PRKD3: variants seen among roughly 807,000 people sequenced by gnomAD.
The protein encoded by PRKD3 is serine/threonine-protein kinase D3.
In PRKD3, 47 loss-of-function variants were observed where a neutral mutation model predicts 99.2. That is an observed-to-expected ratio of 0.47 (90% CI 0.38 to 0.60). The LOEUF (loss-of-function observed/expected upper bound fraction) is 0.60, where lower values mean the gene tolerates loss of function less well. PRKD3 is among the 20% of genes least tolerant of loss of function. PRKD3 has a pLI of 0.00. For missense variants in PRKD3, 1,019 were observed against 1,088.4 expected (o/e 0.94, Z 0.90); for synonymous variants, 392 against 355.4 (o/e 1.10, Z -1.16).
intron 9 of PRKD3, among the ~76,000 whole-genome samples, chr2:37,276,797 C>T (rs531302284): frequency 9.5e-5 from 14 of 146,852 alleles, no homozygotes; most frequent in African/African-American, 3.0e-4. Context: ...TATATATACA[C>T]ACACACACAT....
intron 14 of PRKD3, among the ~76,000 whole-genome samples, chr2:37,261,724 G>A (rs546274515): frequency 5.3e-4 from 80 of 152,208 alleles, no homozygotes; most frequent in Non-Finnish European, 9.3e-4. Context: ...AGGTTGCGGT[G>A]AGCTGAGATT....
intron 2 of PRKD3, among the ~76,000 whole-genome samples, chr2:37,302,725 A>AT (rs34960625): frequency 0.018 from 2,730 of 148,224 alleles, 37 homozygotes; most frequent in African/African-American, 0.035. Flanking sequence ...TGAACTTTTA[A>AT]TTTTTTTTTT....
intron 17 of PRKD3, among the ~76,000 whole-genome samples, chr2:37,256,101 G>A (rs1478539024): frequency 6.6e-6 from 1 of 152,142 alleles, no homozygotes; most frequent in East Asian, 1.9e-4. Context: ...GAACTTTATA[G>A]ATGAGCCACA....
chr2:37,263,548 A>G (rs1056608414), intron 14 of PRKD3, among the ~76,000 whole-genome samples: 2 of 152,048 alleles, frequency 1.3e-5, no homozygotes, highest in African/African-American at 4.8e-5. Flanking sequence ...GTTTTTCTTT[A>G]TAAATGTTTA....
At chr2:37,321,290 C>A (rs1055424791) in intron 1 of PRKD3, among the ~76,000 whole-genome samples, 1 of 152,086 alleles carries the variant, frequency 6.6e-6, no homozygotes, top group African/African-American at 2.4e-5. Context: ...ATATTCCATT[C>A]AAATGAGCTT....
At chr2:37,283,792 G>T (rs1171611977) in intron 6 of PRKD3, among the ~76,000 whole-genome samples, 1 of 151,056 alleles carries the variant, frequency 6.6e-6, no homozygotes, top group Non-Finnish European at 1.5e-5. Context: ...TTTGACACCA[G>T]CCCGGCCAAC....
At chr2:37,302,559 G>A (rs1670983594) in intron 2 of PRKD3, among the ~76,000 whole-genome samples, 1 of 152,144 alleles carries the variant, frequency 6.6e-6, no homozygotes, top group Non-Finnish European at 1.5e-5. Context: ...AGTAATTTAA[G>A]GTGAACCGTT....
Position 37,267,543 on chromosome 2 carries a change from A to C in PRKD3, c.1778-7T>G. On this transcript the variant is annotated splice_polypyrimidine_tract_variant and splice_region_variant and intron_variant, in intron 13 of 18. Coordinates refer to ENST00000234179, the MANE Select transcript of PRKD3 (RefSeq NM_005813.6). ...CCAGTCTTTCTATGTTTTCCTATTAAGAAAAAAAGAAGAGGAACGAATGAA... is the reference window on the plus strand; with the variant it reads ...CCAGTCTTTCTATGTTTTCCTATTACGAAAAAAAGAAGAGGAACGAATGAA... The C allele has an allele frequency of 2.5e-6, 4 of 1,583,132 alleles. No individual in the cohort carries two copies. Among genetic ancestry groups the C allele is most frequent in the Non-Finnish European group, 2.6e-6 (3 of 1,156,122 alleles).
At position 37,290,695 on chromosome 2, in the gene PRKD3, G is replaced by T. The variant is rs559562377; in HGVS notation, c.559+173C>A. Among the ~76,000 whole-genome samples the T allele has an allele frequency of 1.2e-4, 18 of 152,276 alleles. No homozygotes were observed. The East Asian group carries it at 3.5e-3, about 29-fold the overall frequency. On this transcript the variant is annotated intron_variant, in intron 4 of 18. Transcript: ENST00000234179. ...TTAATCTTAAGAGGTTTAGTAATTT[G>T]CCCAAGAATATGAAGTAGGTGGCAG...
chr2:37,279,921 T>C lies in PRKD3; in HGVS notation c.997A>G (p.Ser333Gly), dbSNP rs778064187. The change falls in exon 8 of 19, where the codon AGT becomes GGT. Residue 333 changes from serine (S) to glycine (G), a missense_variant. By Grantham distance (56) the Ser-to-Gly change is moderately conservative. Coordinates refer to ENST00000234179, the MANE Select transcript of PRKD3 (RefSeq NM_005813.6). ...GEVTFNGEPS[S>G]LGTDTDIPMD... ...GGTATATCTGTATCTGTTCCCAGAC[T>C]GGAAGGTTCTGGGAAAATTTTAAAT... 2 of 1,596,716 alleles carry C rather than the reference T, an allele frequency of 1.3e-6. No individual in the cohort carries two copies. Among genetic ancestry groups the C allele is most frequent in the Non-Finnish European group, 1.7e-6 (2 of 1,172,276 alleles).
At chr2:37,304,238 C>A (rs73924799) in intron 2 of PRKD3, among the ~76,000 whole-genome samples, 1 of 145,860 alleles carries the variant, frequency 6.9e-6, no homozygotes, top group Admixed American at 6.8e-5. Flanking sequence ...TATTGAGCAA[C>A]TAACTTAGCA....
chr2:37,282,702 C>G (rs1296074452), intron 6 of PRKD3, 83 bp from the exon 7 acceptor site: 11 of 940,470 alleles, frequency 1.2e-5, no homozygotes, highest in Admixed American at 3.8e-5. Context: ...AAATCACTCA[C>G]AAACAGAATA....
At chr2:37,282,396 CTGTG>C (rs1462895541) in intron 7 of PRKD3, 142 bp downstream of exon 7, 2 of 613,130 alleles carry the variant, frequency 3.3e-6, no homozygotes, top group East Asian at 2.8e-5. Context: ...TGTCAGTGGT[CTGTG>C]TATTTTGTTT....
chr2:37,315,814 G>A (rs1223664143), intron 2 of PRKD3, among the ~76,000 whole-genome samples: 1 of 152,194 alleles, frequency 6.6e-6, no homozygotes, highest in Admixed American at 6.5e-5. Context: ...TCCGCCGCCT[G>A]CCCTGCTCCC....
In PRKD3 at chr2:37,267,604, A is replaced by G. The variant is rs1013414394; in HGVS notation, c.1778-68T>C. 1.2e-4 allele frequency: 142 copies of G among 1,147,494 alleles called. 1 individual carries two copies. In the Middle Eastern group the frequency reaches 2.0e-3, roughly 16 times the overall value. 71.1% of individuals were successfully genotyped at this position (1,147,494 alleles called of 1,614,324 possible). ...AGCTTTATTAGGGAGTTGTCCACAG[A>G]CTGAAATTTATATGTATTTACTCTT... On this transcript the variant is annotated intron_variant, in intron 13 of 18. Transcript: ENST00000234179.
intron 2 of PRKD3, among the ~76,000 whole-genome samples, chr2:37,300,141 T>C (rs1349159714): frequency 2.0e-5 from 3 of 152,114 alleles, no homozygotes; most frequent in Non-Finnish European, 4.4e-5. Flanking sequence ...AATGGATAAA[T>C]GGATACAGAA....
chr2:37,274,777 T>C (rs1263216851), intron 10 of PRKD3, 80 bp from the exon 11 acceptor site: 1 of 1,311,236 alleles, frequency 7.6e-7, no homozygotes, highest in Non-Finnish European at 1.0e-6. Context: ...ACCAGAGATA[T>C]GCATTTCAAT....
Position 37,282,755 on chromosome 2 carries a change from C to G in PRKD3, c.911-136G>C. ...ATTAAAATAATAACCACCTACAAGT[C>G]ACTTTAGCACCCCTCTGCACCCCCC... On this transcript the variant is annotated intron_variant, in intron 6 of 18. Coordinates refer to ENST00000234179, the MANE Select transcript of PRKD3 (RefSeq NM_005813.6). The G allele has an allele frequency of 4.5e-6, 3 of 661,846 alleles. No homozygotes were observed. The South Asian group carries it at 5.7e-5, about 13-fold the overall frequency. 41.0% of individuals were successfully genotyped at this position (661,846 alleles called of 1,614,324 possible).
chr2:37,279,987 T>C (rs1344552114), intron 7 of PRKD3, 58 bp from the exon 8 acceptor site: 10 of 1,240,040 alleles, frequency 8.1e-6, no homozygotes, highest in Admixed American at 2.5e-5. Context: ...GTCCATTAAA[T>C]GTGAAAAAAG....
Sources: allele counts gnomAD v4.1 joint callset (sites outside exome capture counted in the v4.1 genomes callset), GRCh38; gene constraint gnomAD v4.1.1; transcripts MANE v1.5; gene names NCBI Gene and HGNC (gene_info 2026-07-23, HGNC 2026-07-21).